The following PLA2G4C variants were observed in gnomAD, a reference collection of about 807,000 sequenced individuals.
PLA2G4C encodes cytosolic phospholipase A2 gamma.
PLA2G4C carries 64 observed loss-of-function variants against 73.8 expected under a neutral mutation model. That is an observed-to-expected ratio of 0.87 (90% CI 0.71 to 1.07). The LOEUF (loss-of-function observed/expected upper bound fraction) is 1.07. Ranked by LOEUF, PLA2G4C falls within the 50% of genes least tolerant of loss-of-function variation. PLA2G4C has a pLI of 0.00. For synonymous variants in PLA2G4C, 254 were observed against 252.1 expected (o/e 1.01, Z -0.07); for missense variants, 622 against 665.4 (o/e 0.93, Z 0.72).
At chr19:48,105,291 C>A (rs11564523) in intron 3 of PLA2G4C, 42 bp downstream of exon 3, 2 of 1,381,842 alleles carry the variant, frequency 1.4e-6, no homozygotes, top group South Asian at 1.2e-5. Flanking sequence ...ACAGAGGGGG[C>A]GATTCTGGGA....
In PLA2G4C at chr19:48,110,631, G is replaced by T; in HGVS notation, c.-177C>A. On this transcript the variant is annotated 5_prime_UTR_variant, in exon 1 of 17. Coordinates refer to ENST00000599921, the MANE Select transcript of PLA2G4C (RefSeq NM_003706.3). ...AATCTCCGCGGGTGAAGACTGCGGG[G>T]ATCCTCGGTGCCAAAGCTTCTGTGG... is the stretch of plus-strand genomic sequence containing the variant. The T allele has an allele frequency of 3.0e-6, 2 of 669,012 alleles. No individual in the cohort carries two copies. Among genetic ancestry groups the T allele is most frequent in the Non-Finnish European group, 4.2e-6 (2 of 479,346 alleles). The allele number at this position is 669,012 out of a possible 1,614,324, so 41.4% of individuals were successfully genotyped here. A position where few individuals can be genotyped will look rare whatever the true frequency, so the allele number is the denominator to read the frequency against.
chr19:48,057,480 CTTCTTT>C (rs1341950880), intron 14 of PLA2G4C, among the ~76,000 whole-genome samples: 527 of 28,106 alleles, frequency 0.019, 18 homozygotes, highest in African/African-American at 0.055. Context: ...TCTTCTTCTT[CTTCTTT>C]TTTTTTTTTT....
At position 48,053,143 on chromosome 19, in the gene PLA2G4C, A is replaced by G. The variant is rs199984032; in HGVS notation, c.1434T>C (p.Asp478=). The G allele has an allele frequency of 4.4e-6, 7 of 1,588,718 alleles. No individual in the cohort carries two copies. Residue 478 remains aspartate, a synonymous_variant, in exon 16 of 17, where the codon GAT becomes GAC. Coordinates refer to ENST00000599921, the MANE Select transcript of PLA2G4C (RefSeq NM_003706.3). ...PLFNIDACGG[D]IEAWSDTYDT... ...CGTATGTGTCACTCCATGCCTCAAT[A>G]TCACCTGAAGCATAACCAAACCAAC...
intron 12 of PLA2G4C, among the ~76,000 whole-genome samples, chr19:48,069,266 C>T (rs538704409): frequency 4.6e-5 from 7 of 152,038 alleles, no homozygotes; most frequent in South Asian, 2.1e-4. Context: ...GAAAAGATGG[C>T]GATTTAATGA....
chr19:48,059,764 CTT>C (rs571325645), intron 14 of PLA2G4C, among the ~76,000 whole-genome samples: 13 of 122,460 alleles, frequency 1.1e-4, no homozygotes, highest in Non-Finnish European at 1.3e-4. Flanking sequence ...GGCTTCCCTA[CTT>C]TTTTTTTTTT....
intron 13 of PLA2G4C, among the ~76,000 whole-genome samples, chr19:48,064,471 C>T (rs1399221274): frequency 1.3e-5 from 2 of 150,454 alleles, no homozygotes; most frequent in African/African-American, 4.9e-5. Flanking sequence ...CTATATTTTA[C>T]AAGAACTTAT....
At chr19:48,086,265 A>G (rs899786160) in intron 9 of PLA2G4C, among the ~76,000 whole-genome samples, 7 of 152,146 alleles carry the variant, frequency 4.6e-5, no homozygotes, top group African/African-American at 7.2e-5. Flanking sequence ...TTAGCTCACC[A>G]CTGCCAGTGG....
At chr19:48,057,560 G>A (rs1293760916) in intron 14 of PLA2G4C, among the ~76,000 whole-genome samples, 1 of 135,256 alleles carries the variant, frequency 7.4e-6, no homozygotes, top group Admixed American at 8.3e-5. Flanking sequence ...CGGGATCTTG[G>A]CTCATTGCAA....
chr19:48,052,171 G>A (rs1034687323), intron 16 of PLA2G4C: 1 of 152,376 alleles, frequency 6.6e-6, no homozygotes, highest in Admixed American at 6.6e-5. Flanking sequence ...ATGAGCCACA[G>A]TGCCCAGCCA....
At chr19:48,092,787 G>A (rs936857490) in intron 7 of PLA2G4C, among the ~76,000 whole-genome samples, 4 of 152,122 alleles carry the variant, frequency 2.6e-5, no homozygotes, top group Non-Finnish European at 4.4e-5. Context: ...TTCAATGGGC[G>A]TAGAGTTCCA....
In PLA2G4C at chr19:48,062,043, A is replaced by T. The variant is rs772332578; in HGVS notation, c.1212T>A (p.Val404=). The part of the protein sequence containing the change: ...FPLVLPPTRE[V]HLILSFDFSA... ...TGAAGTCGAAGGAGAGGATGAGGTG[A>T]ACCTCCCGCGTCGGGGGCAGCACGA... The change falls in exon 14 of 17, where the codon GTT becomes GTA. Residue 404 remains valine, a synonymous_variant. Transcript: ENST00000599921. 6 of 1,613,900 alleles carry T rather than the reference A, an allele frequency of 3.7e-6. No homozygotes were observed. The Admixed American group carries it at 6.7e-5, about 18-fold the overall frequency.
At chr19:48,090,060 AACT>A (rs2031208458) in intron 8 of PLA2G4C, 2 of 337,106 alleles carry the variant, frequency 5.9e-6, no homozygotes, top group Non-Finnish European at 5.5e-6. Context: ...AAATATTCAT[AACT>A]ACTGTTATTA....
At chr19:48,066,545 C>T (rs1968429065) in intron 13 of PLA2G4C, among the ~76,000 whole-genome samples, 2 of 152,068 alleles carry the variant, frequency 1.3e-5, no homozygotes, top group Admixed American at 6.6e-5. Context: ...TCCCAGGCCA[C>T]ACACAGCCCT....
intron 5 of PLA2G4C, among the ~76,000 whole-genome samples, chr19:48,098,713 TAAAAAAAAAAAAAAAAAAAAAAAA>T (rs548688675): frequency 0.022 from 696 of 30,970 alleles, 36 homozygotes; most frequent in African/African-American, 0.067. Context: ...ACCCTATCTC[TAAAAAAAAAAAAAAAAAAAAAAAA>T]AAAAAAAAAA....
intron 16 of PLA2G4C, 21 bp downstream of exon 16, chr19:48,052,976 C>T (rs754618708): frequency 1.4e-5 from 23 of 1,591,244 alleles, no homozygotes; most frequent in Middle Eastern, 1.7e-4. Flanking sequence ...GGCATCAGAG[C>T]GACTATGGTC....
chr19:48,089,153 C>G (rs915735763), intron 8 of PLA2G4C, among the ~76,000 whole-genome samples: 2 of 152,060 alleles, frequency 1.3e-5, no homozygotes, highest in African/African-American at 4.8e-5. Flanking sequence ...TCAGCCCGGG[C>G]GTGGTGGTTT....
intron 12 of PLA2G4C, among the ~76,000 whole-genome samples, chr19:48,069,850 C>T (rs1385401115): frequency 4.6e-5 from 7 of 152,092 alleles, no homozygotes; most frequent in Non-Finnish European, 8.8e-5. Context: ...CTGCAACCTC[C>T]GCCTCCTGCG....
At chr19:48,055,980 G>T (rs956321664) in intron 14 of PLA2G4C, among the ~76,000 whole-genome samples, 20 of 152,022 alleles carry the variant, frequency 1.3e-4, no homozygotes, top group Admixed American at 6.6e-5. Context: ...AAAAGAAGTA[G>T]GAGAAATTAA....
intron 7 of PLA2G4C, 99 bp downstream of exon 7, chr19:48,095,365 G>A (rs2031512768): frequency 1.7e-6 from 2 of 1,143,744 alleles, no homozygotes; most frequent in African/African-American, 1.5e-5. Context: ...TTTCCCCCAA[G>A]AAATTTAAGA....
Sources: allele counts gnomAD v4.1 joint callset (sites outside exome capture counted in the v4.1 genomes callset), GRCh38; gene constraint gnomAD v4.1.1; transcripts MANE v1.5; gene names NCBI Gene and HGNC (gene_info 2026-07-23, HGNC 2026-07-21).